Variants in SCN8A observed in about 807,000 individuals in gnomAD.
The protein encoded by SCN8A is sodium channel protein type 8 subunit alpha.
A neutral mutation model predicts 184.1 loss-of-function variants in SCN8A; 30 were observed. That is an observed-to-expected ratio of 0.16 (90% CI 0.12 to 0.22). The LOEUF is 0.22. SCN8A is among the 10% of genes least tolerant of loss of function. SCN8A has a pLI of 1.00. For missense variants in SCN8A, 1,057 were observed against 2,498.9 expected (o/e 0.42, Z 12.30); for synonymous variants, 852 against 907.0 (o/e 0.94, Z 1.09).
chr12:51,780,854 A>T, intron 21 of SCN8A, 83 bp downstream of exon 21: 1 of 1,362,434 alleles, frequency 7.3e-7, no homozygotes, highest in African/African-American at 1.5e-5. Context: ...TGGTGGAAAG[A>T]TCATTCAAAC....
chr12:51,696,361 A>G (rs917953012), intron 6 of SCN8A, among the ~76,000 whole-genome samples: 1 of 152,222 alleles, frequency 6.6e-6, no homozygotes, highest in African/African-American at 2.4e-5. Flanking sequence ...TATTGATTCA[A>G]TATAGGCCCA....
At chr12:51,624,532 A>T (rs370300076) in intron 1 of SCN8A, among the ~76,000 whole-genome samples, 15 of 151,540 alleles carry the variant, frequency 9.9e-5, no homozygotes, top group African/African-American at 3.4e-4. Flanking sequence ...AGATGAGTAG[A>T]TTGCAAAAAT....
At chr12:51,787,441 C>T (rs1299550210) in intron 22 of SCN8A, among the ~76,000 whole-genome samples, 1 of 152,188 alleles carries the variant, frequency 6.6e-6, no homozygotes, top group African/African-American at 2.4e-5. Flanking sequence ...CAACATAATG[C>T]AGTGAAAGCT....
intron 12 of SCN8A, among the ~76,000 whole-genome samples, chr12:51,741,252 A>G (rs1002112212): frequency 6.6e-6 from 1 of 152,030 alleles, no homozygotes; most frequent in Admixed American, 6.6e-5. Context: ...CTTAAAATCT[A>G]TTTTTTCTAA....
At chr12:51,766,879 T>A (rs747122433) in intron 16 of SCN8A, among the ~76,000 whole-genome samples, 7 of 152,228 alleles carry the variant, frequency 4.6e-5, no homozygotes, top group South Asian at 2.1e-4. Context: ...GAGAAAGGAC[T>A]ATCTTACAGA....
chr12:51,625,793 C>G (rs1025488349), intron 1 of SCN8A, among the ~76,000 whole-genome samples: 2 of 152,184 alleles, frequency 1.3e-5, no homozygotes, highest in African/African-American at 2.4e-5. Flanking sequence ...AGTTTGCTAT[C>G]TAATACGGAA....
chr12:51,632,870 A>G (rs1455713009), intron 1 of SCN8A, among the ~76,000 whole-genome samples: 2 of 152,036 alleles, frequency 1.3e-5, no homozygotes, highest in African/African-American at 4.8e-5. Context: ...TCTGCCTTCC[A>G]TGACCTATAT....
chr12:51,741,027 C>T (rs1942413650), intron 12 of SCN8A, among the ~76,000 whole-genome samples: 1 of 152,152 alleles, frequency 6.6e-6, no homozygotes, highest in Non-Finnish European at 1.5e-5. Context: ...CTCCAGAAAC[C>T]CACCCACCTG....
chr12:51,650,999 A>G (rs1470753312), intron 1 of SCN8A, among the ~76,000 whole-genome samples: 2 of 152,230 alleles, frequency 1.3e-5, no homozygotes, highest in African/African-American at 4.8e-5. Flanking sequence ...GGCCGAATTA[A>G]AGGAATAGGT....
chr12:51,797,279 TAACAACACTTAAATGCTGATACGAAGTC>T (rs1309976893), intron 26 of SCN8A, among the ~76,000 whole-genome samples: 3 of 152,172 alleles, frequency 2.0e-5, no homozygotes, highest in Non-Finnish European at 4.4e-5. Context: ...TACATAAAGT[TAACAACACTTAAATGCTGATACGAAGTC>T]AACAAATCTT....
chr12:51,724,729 T>A (rs1244018902), intron 12 of SCN8A, among the ~76,000 whole-genome samples: 1 of 152,236 alleles, frequency 6.6e-6, no homozygotes, highest in Non-Finnish European at 1.5e-5. Context: ...TGGCAGTTTT[T>A]AAAAATATTT....
At chr12:51,753,671 T>C (rs1164551790) in intron 14 of SCN8A, among the ~76,000 whole-genome samples, 2 of 152,206 alleles carry the variant, frequency 1.3e-5, no homozygotes, top group African/African-American at 4.8e-5. Flanking sequence ...AATAAGTCAT[T>C]GATTTCTGTC....
intron 19 of SCN8A, among the ~76,000 whole-genome samples, chr12:51,771,306 G>C (rs1942922070): frequency 6.6e-6 from 1 of 152,118 alleles, no homozygotes; most frequent in Admixed American, 6.5e-5. Flanking sequence ...ATAGTTTTGA[G>C]GACTGCCGGG....
intron 16 of SCN8A, 47 bp downstream of exon 16, chr12:51,766,074 T>G: frequency 1.0e-3 from 1,341 of 1,278,956 alleles, no homozygotes; most frequent in Non-Finnish European, 1.4e-3. Flanking sequence ...CTGAATATTC[T>G]ACCCCTGGCC....
chr12:51,620,096 A>G (rs1939927679), intron 1 of SCN8A, among the ~76,000 whole-genome samples: 1 of 152,182 alleles, frequency 6.6e-6, no homozygotes, highest in South Asian at 2.1e-4. Context: ...TATTATGGAG[A>G]CCAAAGAGTT....
intron 1 of SCN8A, among the ~76,000 whole-genome samples, chr12:51,630,303 C>T (rs965674496): frequency 3.3e-5 from 5 of 152,050 alleles, no homozygotes; most frequent in African/African-American, 1.2e-4. Flanking sequence ...AACCGCCATT[C>T]TACTTGCTAT....
intron 16 of SCN8A, chr12:51,767,986 T>G (rs1408225303): frequency 6.6e-6 from 1 of 152,196 alleles, no homozygotes; most frequent in Non-Finnish European, 1.5e-5. Flanking sequence ...CCAACCATAT[T>G]CCTTTTTAAC....
intron 1 of SCN8A, among the ~76,000 whole-genome samples, chr12:51,630,828 A>G (rs1233447103): frequency 6.6e-6 from 1 of 152,130 alleles, no homozygotes; most frequent in East Asian, 1.9e-4. Context: ...TAGGACTGAC[A>G]ATTTCCAATC....
rs369288404 is a variant in SCN8A at position 51,788,814 on chromosome 12, C to G, written c.4281+66C>G. 5.1e-6 allele frequency: 7 copies of G among 1,385,362 alleles called. No individual in the cohort carries two copies. The South Asian group carries it at 8.0e-5, about 16-fold the overall frequency. 85.8% of individuals were successfully genotyped at this position (1,385,362 alleles called of 1,614,324 possible). A position where few individuals can be genotyped will look rare whatever the true frequency, so the allele number is the denominator to read the frequency against. On this transcript the variant is annotated intron_variant, in intron 23 of 26. Coordinates refer to ENST00000627620, the MANE Select transcript of SCN8A (RefSeq NM_001330260.2). ...CTGGAAAGCAAGCAGCATGGTATAC[C>G]GAGCCCACCAAGAAAGAGGAAGGGA...
Sources: allele counts gnomAD v4.1 joint callset (sites outside exome capture counted in the v4.1 genomes callset), GRCh38; gene constraint gnomAD v4.1.1; transcripts MANE v1.5; gene names NCBI Gene and HGNC (gene_info 2026-07-23, HGNC 2026-07-21).